The following DAB1 variants were observed in gnomAD, a reference collection of about 807,000 sequenced individuals.
DAB1 encodes the protein disabled homolog 1.
In DAB1, 15 loss-of-function variants were observed where a neutral mutation model predicts 64.6. That is an observed-to-expected ratio of 0.23 (90% CI 0.16 to 0.36). The LOEUF is 0.36. Among genes scored for constraint, DAB1 ranks in the 10% least tolerant of loss-of-function variants. The pLI is 1.00. For synonymous variants in DAB1, 235 were observed against 251.9 expected (o/e 0.93, Z 0.64); for missense variants, 596 against 706.7 (o/e 0.84, Z 1.78).
At chr1:57,516,229 A>C (rs1390736738) in intron 7 of DAB1, among the ~76,000 whole-genome samples, 1 of 152,214 alleles carries the variant, frequency 6.6e-6, no homozygotes, top group East Asian at 1.9e-4. Context: ...AAGATTTTTC[A>C]CTAGATATAA....
chr1:57,154,219 CT>C (rs1553149458), intron 2 of DAB1, among the ~76,000 whole-genome samples: 2 of 152,154 alleles, frequency 1.3e-5, no homozygotes, highest in Non-Finnish European at 2.9e-5. Flanking sequence ...AGTAACCATC[CT>C]TTTACTCTCC....
intron 4 of DAB1, among the ~76,000 whole-genome samples, chr1:58,183,442 A>G (rs572723343): frequency 2.3e-4 from 35 of 151,214 alleles, no homozygotes; most frequent in African/African-American, 8.6e-4. Context: ...CAGCTTATCA[A>G]GGTACACAAT....
chr1:57,758,052 A>G (rs1290001170), intron 6 of DAB1, among the ~76,000 whole-genome samples: 1 of 152,168 alleles, frequency 6.6e-6, no homozygotes, highest in Non-Finnish European at 1.5e-5. Flanking sequence ...CCTAGCCTCA[A>G]GCAATTCTGC....
chr1:58,095,980 T>C (rs1650954734), intron 5 of DAB1, among the ~76,000 whole-genome samples: 1 of 152,194 alleles, frequency 6.6e-6, no homozygotes, highest in Admixed American at 6.5e-5. Context: ...AGAACATACA[T>C]GGACTTCCAG....
At chr1:57,587,886 G>A (rs112530061) in intron 7 of DAB1, among the ~76,000 whole-genome samples, 8 of 152,312 alleles carry the variant, frequency 5.3e-5, no homozygotes, top group African/African-American at 1.9e-4. Context: ...TACCACAGAA[G>A]CCACCATTAA....
At chr1:58,320,429 T>C (rs1244528848) in intron 4 of DAB1, among the ~76,000 whole-genome samples, 1 of 152,194 alleles carries the variant, frequency 6.6e-6, no homozygotes, top group Non-Finnish European at 1.5e-5. Flanking sequence ...CAACTACTCT[T>C]TGAGGCAGGC....
chr1:57,882,834 TGTCAGCACTGTG>T (rs1644165427), intron 1 of DAB1, among the ~76,000 whole-genome samples: 1 of 152,190 alleles, frequency 6.6e-6, no homozygotes. Flanking sequence ...GAAAGAAACC[TGTCAGCACTGTG>T]GTAGCTACTA....
In DAB1 at chr1:57,833,835, G is replaced by T. The variant is rs555619077; in HGVS notation, n.88-7380C>A. ...TAAAATGAGGAAAGAAACTCATTTTGTTCAGACTTGTTTTAGCTATGGTTT... is the reference window on the plus strand; with the variant it reads ...TAAAATGAGGAAAGAAACTCATTTTTTTCAGACTTGTTTTAGCTATGGTTT... On this transcript the variant is annotated intron_variant and non_coding_transcript_variant, in intron 1 of 1. Transcript: ENST00000477280. Among the ~76,000 whole-genome samples, 45 of 152,246 alleles carry T rather than the reference G, an allele frequency of 3.0e-4. 1 individual carries two copies. The highest frequency in any genetic ancestry group is 1.9e-3 in the Admixed American group (29 of 15,290).
At chr1:58,526,032 T>G (rs1646344425) in intron 2 of DAB1, among the ~76,000 whole-genome samples, 1 of 152,070 alleles carries the variant, frequency 6.6e-6, no homozygotes, top group Non-Finnish European at 1.5e-5. Context: ...CTTCCTCATA[T>G]TATATATTTT....
chr1:57,482,193 G>A (rs1644029876), intron 7 of DAB1, among the ~76,000 whole-genome samples: 1 of 152,076 alleles, frequency 6.6e-6, no homozygotes, highest in African/African-American at 2.4e-5. Flanking sequence ...CGAAATCTAA[G>A]TTCGCATGAA....
chr1:57,842,866 G>C (rs1356699746), intron 1 of DAB1, among the ~76,000 whole-genome samples: 1 of 152,172 alleles, frequency 6.6e-6, no homozygotes, highest in Non-Finnish European at 1.5e-5. Flanking sequence ...AGTGTGCTCA[G>C]AACATTTATA....
intron 3 of DAB1, among the ~76,000 whole-genome samples, chr1:58,352,050 G>T (rs1367207940): frequency 1.3e-5 from 2 of 151,702 alleles, no homozygotes; most frequent in Admixed American, 1.3e-4. Flanking sequence ...CCGCCATGAA[G>T]CCCTAGCCTC....
chr1:57,396,074 G>A (rs1553177326), intron 1 of DAB1, among the ~76,000 whole-genome samples: 1 of 152,220 alleles, frequency 6.6e-6, no homozygotes, highest in Non-Finnish European at 1.5e-5. Flanking sequence ...GCTATAAGGT[G>A]GGATAGAGAA....
chr1:57,029,074 G>A (rs1646884518), intron 9 of DAB1, among the ~76,000 whole-genome samples: 1 of 152,164 alleles, frequency 6.6e-6, no homozygotes, highest in South Asian at 2.1e-4. Context: ...CAGGCCTGGA[G>A]GCCCAGGAGG....
chr1:57,034,185 C>T (rs1370770226), intron 9 of DAB1, among the ~76,000 whole-genome samples: 3 of 150,310 alleles, frequency 2.0e-5, no homozygotes, highest in Non-Finnish European at 2.9e-5. Flanking sequence ...GAAGCTGAGG[C>T]AGGAGAATCA....
At chr1:57,693,518 A>G (rs1391500440) in intron 6 of DAB1, among the ~76,000 whole-genome samples, 5 of 151,306 alleles carry the variant, frequency 3.3e-5, no homozygotes, top group Non-Finnish European at 7.3e-5. Flanking sequence ...TGTAAAATGG[A>G]CCAATCAGCA....
At chr1:58,118,671 T>C (rs1011471140) in intron 5 of DAB1, among the ~76,000 whole-genome samples, 14 of 146,934 alleles carry the variant, frequency 9.5e-5, no homozygotes, top group African/African-American at 1.8e-4. Context: ...TGAGTGTACA[T>C]ATATATACAT....
At chr1:57,541,881 T>C (rs1461376203) in intron 7 of DAB1, among the ~76,000 whole-genome samples, 1 of 152,192 alleles carries the variant, frequency 6.6e-6, no homozygotes, top group Non-Finnish European at 1.5e-5. Flanking sequence ...ATAAAGTCAC[T>C]TTCCTAAGGT....
intron 1 of DAB1, among the ~76,000 whole-genome samples, chr1:57,408,317 C>T (rs1280474921): frequency 6.6e-6 from 1 of 152,170 alleles, no homozygotes; most frequent in Non-Finnish European, 1.5e-5. Flanking sequence ...ATATACTACA[C>T]CACATTTATC....
Sources: allele counts gnomAD v4.1 joint callset (sites outside exome capture counted in the v4.1 genomes callset), GRCh38; gene constraint gnomAD v4.1.1; transcripts MANE v1.5; gene names NCBI Gene and HGNC (gene_info 2026-07-23, HGNC 2026-07-21).